MLIP: variants seen among roughly 807,000 people sequenced by gnomAD.
MLIP encodes the protein muscular LMNA interacting protein.
Under a neutral mutation model 84.8 loss-of-function variants are expected in MLIP, and 79 were observed. The ratio of observed to expected loss-of-function variants is 0.93; its 90% CI spans 0.78 to 1.12. The LOEUF (loss-of-function observed/expected upper bound fraction) is 1.12. Among genes scored for constraint, MLIP ranks in the 50% most tolerant of loss-of-function variants. The pLI is 0.00. For missense variants in MLIP, 1,257 were observed against 1,160.6 expected (o/e 1.08, Z -1.21); for synonymous variants, 504 against 463.0 (o/e 1.09, Z -1.14).
At chr6:54,256,138 T>A (rs75403747) in intron 12 of MLIP, among the ~76,000 whole-genome samples, 1 of 152,154 alleles carries the variant, frequency 6.6e-6, no homozygotes, top group African/African-American at 2.4e-5. Flanking sequence ...GTTGCTATGA[T>A]ACCCAAAGGA....
At chr6:54,134,459 A>G (rs1290477630) in intron 3 of MLIP, among the ~76,000 whole-genome samples, 2 of 151,934 alleles carry the variant, frequency 1.3e-5, no homozygotes, top group Non-Finnish European at 2.9e-5. Context: ...AAGAAAATAT[A>G]ATAAAAATTA....
chr6:54,265,925 A>C, intron 13 of MLIP, 25 bp from the exon 14 acceptor site: 1 of 1,607,396 alleles, frequency 6.2e-7, no homozygotes, highest in African/African-American at 1.3e-5. Context: ...TCTTAACCTG[A>C]CTACCATATT....
intron 1 of MLIP, among the ~76,000 whole-genome samples, chr6:54,044,445 T>C (rs73744124): frequency 0.029 from 4,482 of 152,276 alleles, 205 homozygotes; most frequent in African/African-American, 0.1. Context: ...GTCCAAGATC[T>C]CTCAATACTA....
intron 11 of MLIP, among the ~76,000 whole-genome samples, chr6:54,205,905 G>T (rs1322093152): frequency 6.6e-6 from 1 of 152,054 alleles, no homozygotes; most frequent in Non-Finnish European, 1.5e-5. Flanking sequence ...GTGCTTTTCA[G>T]TTATTACAAA....
chr6:54,098,172 T>C (rs1331226135), intron 1 of MLIP, among the ~76,000 whole-genome samples: 1 of 143,922 alleles, frequency 6.9e-6, no homozygotes, highest in Non-Finnish European at 1.5e-5. Context: ...TTTTTTTTGT[T>C]AGAGACGGGA....
intron 1 of MLIP, among the ~76,000 whole-genome samples, chr6:54,093,459 G>T (rs1445609738): frequency 6.6e-6 from 1 of 151,500 alleles, no homozygotes; most frequent in Non-Finnish European, 1.5e-5. Context: ...ACTTGTGGTT[G>T]GAAAAACACG....
At chr6:54,168,486 G>A (rs866272559) in intron 8 of MLIP, among the ~76,000 whole-genome samples, 6 of 151,656 alleles carry the variant, frequency 4.0e-5, no homozygotes, top group African/African-American at 1.5e-4. Context: ...TATAATTCAC[G>A]TATTTATGAT....
intron 1 of MLIP, among the ~76,000 whole-genome samples, chr6:54,119,148 A>G (rs1770216494): frequency 6.6e-6 from 1 of 152,232 alleles, no homozygotes; most frequent in Non-Finnish European, 1.5e-5. Flanking sequence ...TCAAAATATT[A>G]AAAATACAAC....
intron 11 of MLIP, among the ~76,000 whole-genome samples, chr6:54,218,430 G>C (rs1269681666): frequency 6.6e-6 from 1 of 152,176 alleles, no homozygotes; most frequent in African/African-American, 2.4e-5. Context: ...TGCTCTGGGT[G>C]AATCAGTGAG....
chr6:54,149,234 C>A, intron 5 of MLIP, 107 bp downstream of exon 5: 1 of 963,298 alleles, frequency 1.0e-6, no homozygotes, highest in Non-Finnish European at 1.6e-6. Context: ...TCTGCCTTTA[C>A]TAAAATAACA....
intron 5 of MLIP, among the ~76,000 whole-genome samples, chr6:54,159,170 C>T (rs1774354578): frequency 6.6e-6 from 1 of 152,036 alleles, no homozygotes. Context: ...GCCTCAGCCT[C>T]CCAAAGTGCT....
At chr6:54,023,009 T>C (rs911976705) in intron 1 of MLIP, among the ~76,000 whole-genome samples, 28 of 151,590 alleles carry the variant, frequency 1.8e-4, no homozygotes, top group Non-Finnish European at 3.7e-4. Flanking sequence ...CTACTAAAAA[T>C]ACAAAAAATT....
In MLIP at chr6:54,145,854, C is replaced by T. The variant is rs143825250; in HGVS notation, c.2218-3202C>T. Among the ~76,000 whole-genome samples the T allele has an allele frequency of 2.2e-3, 318 of 147,274 alleles. 2 individuals are homozygous for T. The highest frequency in any genetic ancestry group is 7.6e-3 in the African/African-American group (304 of 40,188). On this transcript the variant is annotated intron_variant, in intron 4 of 13. Transcript: ENST00000502396. ...TTGAATAAATACGTTAGTTGAACAACCATAAATAGATTTACAGGATCAGTT... is the reference window on the plus strand; with the variant it reads ...TTGAATAAATACGTTAGTTGAACAATCATAAATAGATTTACAGGATCAGTT...
At chr6:54,140,578 A>G (rs1156381602) in intron 4 of MLIP, among the ~76,000 whole-genome samples, 2 of 152,210 alleles carry the variant, frequency 1.3e-5, no homozygotes, top group African/African-American at 4.8e-5. Context: ...TTCTGCAAAA[A>G]TAGAATAGTA....
At chr6:54,116,957 A>G (rs1471051822) in intron 1 of MLIP, among the ~76,000 whole-genome samples, 1 of 152,238 alleles carries the variant, frequency 6.6e-6, no homozygotes, top group Non-Finnish European at 1.5e-5. Flanking sequence ...CAAATCCATA[A>G]ATCTGATACA....
At chr6:54,086,611 C>T (rs1031146985) in intron 1 of MLIP, among the ~76,000 whole-genome samples, 6 of 152,128 alleles carry the variant, frequency 3.9e-5, no homozygotes, top group Non-Finnish European at 5.9e-5. Context: ...AGCCAAAGTC[C>T]GTTATAGTGG....
At chr6:54,124,335 C>A (rs1315636331) in intron 2 of MLIP, 138 bp from the exon 3 acceptor site, 9 of 865,390 alleles carry the variant, frequency 1.0e-5, no homozygotes, top group Non-Finnish European at 1.5e-5. Context: ...CTAACTTCAA[C>A]CCAATCTCTT....
intron 11 of MLIP, among the ~76,000 whole-genome samples, chr6:54,219,400 G>T (rs1279384608): frequency 5.7e-5 from 6 of 105,500 alleles, no homozygotes; most frequent in Admixed American, 1.5e-4. Context: ...TCAGACACAA[G>T]TACACAAGTT....
At chr6:54,190,756 C>A (rs1481596813) in intron 10 of MLIP, among the ~76,000 whole-genome samples, 2 of 150,510 alleles carry the variant, frequency 1.3e-5, no homozygotes, top group Admixed American at 6.6e-5. Flanking sequence ...AAATTGAAGT[C>A]ATGAAATAAG....
Sources: allele counts gnomAD v4.1 joint callset (sites outside exome capture counted in the v4.1 genomes callset), GRCh38; gene constraint gnomAD v4.1.1; transcripts MANE v1.5; gene names NCBI Gene and HGNC (gene_info 2026-07-23, HGNC 2026-07-21).